The following PCDH11X variants were observed in gnomAD, a reference collection of about 807,000 sequenced individuals.
The protein encoded by PCDH11X is protocadherin 11 X-linked.
In PCDH11X, 18 loss-of-function variants were observed where a neutral mutation model predicts 53.3. The ratio of observed to expected loss-of-function variants is 0.34; its 90% CI spans 0.23 to 0.50. PCDH11X has a LOEUF of 0.50. PCDH11X is among the 20% of genes least tolerant of loss of function. The pLI, the probability that PCDH11X is intolerant of heterozygous loss-of-function variation, is 0.98. For missense variants in PCDH11X, 570 were observed against 1,032.4 expected (o/e 0.55, Z 6.14); for synonymous variants, 279 against 393.3 (o/e 0.71, Z 3.44).
intron 7 of PCDH11X, among the ~76,000 whole-genome samples, chrX:92,203,175 A>G (rs2066420623): frequency 8.9e-6 from 1 of 112,607 alleles, no homozygotes; most frequent in Admixed American, 9.4e-5. Flanking sequence ...AGTTATTTTC[A>G]AATGTCTTTT....
chrX:92,020,456 C>A (rs1019023408), intron 6 of PCDH11X, among the ~76,000 whole-genome samples: 1 of 111,846 alleles, frequency 8.9e-6, no homozygotes, highest in African/African-American at 3.2e-5. Context: ...TCAGACCTGA[C>A]CCTGACCCAT....
At chrX:92,490,430 T>C (rs2073735177) in intron 10 of PCDH11X, among the ~76,000 whole-genome samples, 1 of 111,746 alleles carries the variant, frequency 8.9e-6, no homozygotes, top group Non-Finnish European at 1.9e-5. Context: ...GAAATAGGCG[T>C]TTACAATGAA....
chrX:91,917,569 CAAAAA>C (rs59199030), intron 6 of PCDH11X, among the ~76,000 whole-genome samples: 22 of 15,885 alleles, frequency 1.4e-3, no homozygotes, highest in South Asian at 0.016. Context: ...ACAGCAGCTG[CAAAAA>C]AAAAAAAAAA....
At chrX:91,857,144 A>C (rs1313566734) in intron 5 of PCDH11X, among the ~76,000 whole-genome samples, 1 of 111,611 alleles carries the variant, frequency 9.0e-6, no homozygotes, top group Non-Finnish European at 1.9e-5. Flanking sequence ...AAGGCAAAGG[A>C]GGAGAAAGGC....
intron 6 of PCDH11X, among the ~76,000 whole-genome samples, chrX:92,027,387 A>G (rs2062984298): frequency 9.0e-6 from 1 of 111,492 alleles, no homozygotes; most frequent in Non-Finnish European, 1.9e-5. Context: ...ACGTCAAATA[A>G]TATAGAACAT....
chrX:92,176,720 C>T lies in PCDH11X; in HGVS notation c.3034-24655C>T, dbSNP rs187216783. The stretch of plus-strand genomic sequence containing the variant: ...GACATTTAAGACCAAGCTCATCTAG[C>T]TCTTGAGAGATAATTTATTTTATGT... On this transcript the variant is annotated intron_variant, in intron 6 of 10. Transcript: ENST00000682573. 3.6e-3 allele frequency among the ~76,000 whole-genome samples: 405 copies of T among 111,379 alleles called. 1 individual carries two copies. The highest frequency in any genetic ancestry group is 5.3e-3 in the Non-Finnish European group (281 of 53,124).
chrX:92,287,062 C>T (rs1024922535), intron 8 of PCDH11X, among the ~76,000 whole-genome samples: 10 of 111,412 alleles, frequency 9.0e-5, no homozygotes, highest in South Asian at 3.8e-4. Context: ...ACTGTATTTA[C>T]GTGACTTTAA....
intron 10 of PCDH11X, among the ~76,000 whole-genome samples, chrX:92,493,836 G>A (rs1282785265): frequency 1.7e-3 from 183 of 106,688 alleles, no homozygotes; most frequent in Non-Finnish European, 2.7e-3. Flanking sequence ...TAGTAGTGAC[G>A]GGGTTTCACC....
intron 10 of PCDH11X, among the ~76,000 whole-genome samples, chrX:92,548,080 A>G (rs1331629653): frequency 9.1e-6 from 1 of 110,000 alleles, no homozygotes; most frequent in African/African-American, 3.3e-5. Flanking sequence ...CCAAGTTTAA[A>G]TTGTGCATTG....
intron 6 of PCDH11X, among the ~76,000 whole-genome samples, chrX:92,135,218 G>A (rs2759728): frequency 1.8e-5 from 2 of 111,624 alleles, no homozygotes; most frequent in Middle Eastern, 4.6e-3. Context: ...TAGTGGAATC[G>A]TTTTATTCGT....
chrX:92,506,766 G>T (rs2074071078), intron 10 of PCDH11X, among the ~76,000 whole-genome samples: 1 of 105,363 alleles, frequency 9.5e-6, no homozygotes, highest in Non-Finnish European at 1.9e-5. Context: ...ATAATTTTTT[G>T]GAATCATTTC....
At chrX:92,053,659 C>T (rs1355317829) in intron 6 of PCDH11X, among the ~76,000 whole-genome samples, 15 of 107,722 alleles carry the variant, frequency 1.4e-4, no homozygotes, top group African/African-American at 4.8e-4. Flanking sequence ...CAGCCTCTGC[C>T]GCCCGGGTTC....
chrX:92,050,010 G>A (rs1185686323), intron 6 of PCDH11X, among the ~76,000 whole-genome samples: 1 of 112,149 alleles, frequency 8.9e-6, no homozygotes, highest in Admixed American at 9.5e-5. Context: ...CCTGACCTCA[G>A]GTGATCTGCC....
intron 8 of PCDH11X, among the ~76,000 whole-genome samples, chrX:92,265,189 C>T (rs754091998): frequency 9.1e-6 from 1 of 109,715 alleles, no homozygotes; most frequent in African/African-American, 3.3e-5. Flanking sequence ...CCCACCCCAG[C>T]CTCCCAAAGT....
intron 10 of PCDH11X, among the ~76,000 whole-genome samples, chrX:92,484,088 G>C (rs867928469): frequency 1.1e-5 from 1 of 95,180 alleles, no homozygotes; most frequent in Admixed American, 1.2e-4. Flanking sequence ...GAAAATCTCT[G>C]TGTGTGTGTG....
chrX:92,058,525 G>T (rs1250695176), intron 6 of PCDH11X, among the ~76,000 whole-genome samples: 1 of 111,618 alleles, frequency 9.0e-6, no homozygotes, highest in African/African-American at 3.2e-5. Flanking sequence ...AAACGTATCT[G>T]CTTGTATGTA....
intron 9 of PCDH11X, among the ~76,000 whole-genome samples, chrX:92,445,838 C>T (rs185791232): frequency 9.1e-6 from 1 of 110,275 alleles, no homozygotes; most frequent in East Asian, 2.9e-4. Flanking sequence ...ATAGAATATC[C>T]CTTGAATGTG....
intron 6 of PCDH11X, among the ~76,000 whole-genome samples, chrX:92,146,031 A>G (rs2065262655): frequency 9.3e-6 from 1 of 107,394 alleles, no homozygotes; most frequent in African/African-American, 3.4e-5. Context: ...TGCACATAAG[A>G]GACAACCTCT....
chrX:92,137,262 T>C (rs1490774033), intron 6 of PCDH11X, among the ~76,000 whole-genome samples: 1 of 111,374 alleles, frequency 9.0e-6, no homozygotes, highest in African/African-American at 3.3e-5. Flanking sequence ...ATAAACTTGG[T>C]TGATTTCTGT....
Sources: gnomAD v4.1 joint callset for allele counts (sites outside exome capture counted in the v4.1 genomes callset) on GRCh38, gnomAD v4.1.1 for gene constraint, MANE v1.5 for transcripts, NCBI Gene and HGNC (gene_info 2026-07-23, HGNC 2026-07-21) for gene names.